Variants in WDR25 observed in about 807,000 individuals in gnomAD.
WDR25 encodes WD repeat-containing protein 25.
In WDR25, 35 loss-of-function variants were observed where a neutral mutation model predicts 47.7. The ratio of observed to expected loss-of-function variants is 0.73; its 90% CI spans 0.56 to 0.97. The LOEUF is 0.97. Ranked by LOEUF, WDR25 falls within the 50% of genes least tolerant of loss-of-function variation. WDR25 has a pLI of 0.00. For missense variants in WDR25, 634 were observed against 704.7 expected (o/e 0.90, Z 1.14); for synonymous variants, 248 against 278.9 (o/e 0.89, Z 1.10).
intron 2 of WDR25, among the ~76,000 whole-genome samples, chr14:100,402,628 A>G (rs188380594): frequency 7.2e-5 from 11 of 152,290 alleles, no homozygotes; most frequent in Admixed American, 5.2e-4. Context: ...TAGAGGCTCA[A>G]CTGTGTTCTC....
chr14:100,480,814 G>A, intron 3 of WDR25: 1 of 220,412 alleles, frequency 4.5e-6, no homozygotes, highest in Non-Finnish European at 9.1e-6. Flanking sequence ...TAGGGAAATG[G>A]GGCTTTACTA....
rs531525022 is a variant in WDR25 at position 100,529,131 on chromosome 14, A to C, written c.1336A>C (p.Asn446His). 3.1e-5 allele frequency: 50 copies of C among 1,601,566 alleles called. No homozygotes were observed. In the South Asian group the frequency reaches 5.3e-4, roughly 17 times the overall value. Residue 446 changes from asparagine (N) to histidine (H), a missense_variant, in exon 6 of 7, where the codon AAT becomes CAT. Asn to His is a moderately conservative substitution (Grantham distance 68). Transcript: ENST00000402312. This position sits in a 1 kb window ranked among gnomAD's most constrained non-coding sequence, Gnocchi z 5.1. Reference sequence around the variant, plus strand: ...AGAGCCCGTGTTCCTGGCACAGACCAATGGCAACTACCTGGCCCTTTTCTC... The same window carrying C: ...AGAGCCCGTGTTCCTGGCACAGACCCATGGCAACTACCTGGCCCTTTTCTC... ...PREPVFLAQT[N>H]GNYLALFSTV...
At chr14:100,457,875 G>C (rs944045733) in intron 2 of WDR25, among the ~76,000 whole-genome samples, 2 of 152,150 alleles carry the variant, frequency 1.3e-5, no homozygotes, top group Non-Finnish European at 2.9e-5. Context: ...TCTGTGATAA[G>C]CTAAAGATGT....
intron 4 of WDR25, among the ~76,000 whole-genome samples, chr14:100,486,569 G>A (rs111440074): frequency 7.2e-5 from 11 of 152,314 alleles, no homozygotes; most frequent in Admixed American, 3.3e-4. Flanking sequence ...TTGCCCATGT[G>A]TCTCAAATGG....
chr14:100,479,117 G>A (rs1276041548), intron 3 of WDR25, among the ~76,000 whole-genome samples: 3 of 152,018 alleles, frequency 2.0e-5, no homozygotes, highest in African/African-American at 7.2e-5. Flanking sequence ...CTCCTTTTCT[G>A]TCTAGGGGTT....
At chr14:100,393,294 A>G (rs1304456112) in intron 2 of WDR25, among the ~76,000 whole-genome samples, 1 of 152,238 alleles carries the variant, frequency 6.6e-6, no homozygotes, top group Admixed American at 6.5e-5. Flanking sequence ...CTCTTTCTGA[A>G]CTAGTTGAAA....
Position 100,381,490 on chromosome 14 carries a change from C to CG in WDR25, c.568dup (p.Glu190GlyfsTer6). ...CTAAGACAGCGGCAGGCATTAAGCACGGAGACAGGCAAGGGTAAAGACGTG... is the reference window on the plus strand; with the variant it reads ...CTAAGACAGCGGCAGGCATTAAGCACGGGAGACAGGCAAGGGTAAAGACGTG... On this transcript the variant is annotated frameshift_variant, in exon 2 of 7. Coordinates refer to ENST00000402312, the MANE Select transcript of WDR25 (RefSeq NM_001161476.3). LOFTEE classifies it high-confidence loss of function. The CG allele has an allele frequency of 6.2e-7, 1 of 1,614,168 alleles. No individual in the cohort carries two copies. The highest frequency in any genetic ancestry group is 8.5e-7 in the Non-Finnish European group (1 of 1,180,028).
At chr14:100,452,193 T>TTCCA (rs1189594919) in intron 2 of WDR25, among the ~76,000 whole-genome samples, 4 of 152,274 alleles carry the variant, frequency 2.6e-5, no homozygotes, top group Admixed American at 2.0e-4. Flanking sequence ...TATCCATGCA[T>TTCCA]TCCATCCATC....
In WDR25 at chr14:100,381,662, G is replaced by T. The variant is rs1359141126; in HGVS notation, c.738G>T (p.Arg246Ser). 1.2e-6 allele frequency: 2 copies of T among 1,614,206 alleles called. No homozygotes were observed. Among genetic ancestry groups the T allele is most frequent in the South Asian group, 2.2e-5 (2 of 91,078 alleles). Residue 246 changes from arginine to serine, a missense_variant, in exon 2 of 7, where the codon AGG (arginine) becomes AGT (serine). Transcript: ENST00000402312. ...RKVLFHLRGHRGPVNTIQWCP... is the reference protein window; with the variant it reads ...RKVLFHLRGHSGPVNTIQWCP... ...TGCTTTTCCACCTGAGAGGCCACAG[G>T]GGCCCTGTCAACACCATTCAGTGGT... is the stretch of plus-strand genomic sequence containing the variant.
At chr14:100,412,910 A>G (rs942426734) in intron 2 of WDR25, among the ~76,000 whole-genome samples, 1 of 151,974 alleles carries the variant, frequency 6.6e-6, no homozygotes, top group African/African-American at 2.4e-5. Context: ...GCTCACTGCA[A>G]CCTCCACCTC....
chr14:100,475,584 C>G (rs1400066054), intron 3 of WDR25, among the ~76,000 whole-genome samples: 1 of 151,998 alleles, frequency 6.6e-6, no homozygotes, highest in Non-Finnish European at 1.5e-5. Flanking sequence ...AAAAGTTGAT[C>G]TCGTAGAAGC....
At chr14:100,495,188 C>T (rs1037436484) in intron 4 of WDR25, among the ~76,000 whole-genome samples, 1 of 152,048 alleles carries the variant, frequency 6.6e-6, no homozygotes, top group African/African-American at 2.4e-5. Context: ...AACTCTGTCT[C>T]TCTACTAAAA....
At chr14:100,417,249 G>A (rs1897894320) in intron 2 of WDR25, among the ~76,000 whole-genome samples, 1 of 152,242 alleles carries the variant, frequency 6.6e-6, no homozygotes, top group Non-Finnish European at 1.5e-5. Flanking sequence ...GCCAGGCCTG[G>A]TGCTGACACT....
intron 4 of WDR25, among the ~76,000 whole-genome samples, chr14:100,524,870 C>T (rs577925029): frequency 6.6e-6 from 1 of 152,320 alleles, no homozygotes; most frequent in East Asian, 1.9e-4. Context: ...TGGAGTGACA[C>T]ATTTAATGTG....
intron 2 of WDR25, among the ~76,000 whole-genome samples, chr14:100,439,335 G>T (rs1306544222): frequency 6.6e-6 from 1 of 152,192 alleles, no homozygotes; most frequent in Admixed American, 6.5e-5. Flanking sequence ...TCAGCCCCCG[G>T]ACTCCTGTGC....
intron 3 of WDR25, among the ~76,000 whole-genome samples, chr14:100,479,888 G>A (rs764297034): frequency 7.9e-5 from 12 of 152,092 alleles, no homozygotes; most frequent in African/African-American, 2.7e-4. Context: ...CTGCGCATAC[G>A]AGGGATCTAG....
intron 2 of WDR25, among the ~76,000 whole-genome samples, chr14:100,393,723 C>G (rs7150124): frequency 0.35 from 52,624 of 152,040 alleles, 11,498 homozygotes; most frequent in South Asian, 0.66. Context: ...GGGTGTAGTG[C>G]AGGTTGGAGC....
intron 2 of WDR25, among the ~76,000 whole-genome samples, chr14:100,409,814 A>C (rs1310419659): frequency 6.6e-6 from 1 of 152,186 alleles, no homozygotes; most frequent in Non-Finnish European, 1.5e-5. Flanking sequence ...TGTTGAGGCC[A>C]ATGTGGCTCA....
intron 4 of WDR25, among the ~76,000 whole-genome samples, chr14:100,512,004 T>C (rs1350049910): frequency 6.6e-6 from 1 of 152,188 alleles, no homozygotes; most frequent in Admixed American, 6.5e-5. Flanking sequence ...TTATATCAGC[T>C]AAAGTTGTGT....
Sources: allele counts gnomAD v4.1 joint callset (sites outside exome capture counted in the v4.1 genomes callset), GRCh38; gene constraint gnomAD v4.1.1; non-coding constraint Gnocchi (gnomAD v3.1); transcripts MANE v1.5; gene names NCBI Gene and HGNC (gene_info 2026-07-23, HGNC 2026-07-21).